Variants in PCSK6 observed in about 807,000 individuals in gnomAD.
PCSK6 encodes the protein proprotein convertase subtilisin/kexin type 6, also known as paired basic amino acid cleaving enzyme 4.
A neutral mutation model predicts 123.3 loss-of-function variants in PCSK6; 85 were observed. That is an observed-to-expected ratio of 0.69 (90% CI 0.58 to 0.83). The LOEUF is 0.83. Ranked by LOEUF, PCSK6 falls within the 40% of genes least tolerant of loss-of-function variation. The pLI is 0.00. For missense variants in PCSK6, 1,191 were observed against 1,282.3 expected (o/e 0.93, Z 1.09); for synonymous variants, 508 against 516.0 (o/e 0.98, Z 0.21).
intron 1 of PCSK6, among the ~76,000 whole-genome samples, chr15:101,487,799 T>C (rs2058053548): frequency 1.3e-5 from 2 of 152,070 alleles, no homozygotes; most frequent in African/African-American, 4.8e-5. Flanking sequence ...AGTCAAGAAC[T>C]ACAGAGACAA....
chr15:101,383,026 C>A (rs1028510578), intron 10 of PCSK6, among the ~76,000 whole-genome samples: 1 of 152,104 alleles, frequency 6.6e-6, no homozygotes, highest in African/African-American at 2.4e-5. Context: ...ATTAGTTAGA[C>A]CTGAGCTTCA....
chr15:101,315,508 G>A (rs941844117), intron 19 of PCSK6, among the ~76,000 whole-genome samples: 7 of 152,344 alleles, frequency 4.6e-5, no homozygotes, highest in South Asian at 4.1e-4. Context: ...TGTTTGCGGG[G>A]CCCAGTATAA....
intron 1 of PCSK6, among the ~76,000 whole-genome samples, chr15:101,488,208 G>A (rs2058064764): frequency 6.6e-6 from 1 of 152,194 alleles, no homozygotes; most frequent in African/African-American, 2.4e-5. Flanking sequence ...TGGCACTAAG[G>A]TTTAGAGTTA....
chr15:101,326,874 G>A (rs2141363247), intron 15 of PCSK6, among the ~76,000 whole-genome samples: 1 of 152,346 alleles, frequency 6.6e-6, no homozygotes, highest in East Asian at 1.9e-4. Flanking sequence ...CAGCACCTTT[G>A]ACTTCCACGT....
intron 13 of PCSK6, among the ~76,000 whole-genome samples, chr15:101,335,257 C>T (rs780919693): frequency 1.3e-5 from 2 of 152,182 alleles, no homozygotes; most frequent in Non-Finnish European, 2.9e-5. Context: ...ACGCGCCCAG[C>T]CTGTTTGACT....
At chr15:101,454,980 G>GAATGAATAAATAAATAAATAAATA (rs1322359266) in intron 1 of PCSK6, among the ~76,000 whole-genome samples, 73 of 97,930 alleles carry the variant, frequency 7.5e-4, no homozygotes, top group African/African-American at 2.4e-3. Flanking sequence ...ATGAATGAAT[G>GAATGAATAAATAAATAAATAAATA]AATAAATAAA....
Position 101,489,394 on chromosome 15 carries a change from C to T in PCSK6, c.277G>A (p.Gly93Arg). The change falls in exon 1 of 22, where the codon GGG (glycine) becomes AGG (arginine). Residue 93 changes from glycine to arginine, a missense_variant. Physicochemically the swap from Gly to Arg is moderately radical, Grantham distance 125. Transcript: ENST00000611716. ...CTCACCTGGCCCAAGTTGAGGTACC[C>T]GTGCGCCGCCGCCACGCGGTCCGCC... ...AEADRVAAAH[G>R]YLNLGQIGNL... 2.4e-6 allele frequency: 3 copies of T among 1,268,036 alleles called. No homozygotes were observed. Among genetic ancestry groups the T allele is most frequent in the Non-Finnish European group, 2.0e-6 (2 of 992,668 alleles). 78.5% of individuals were successfully genotyped at this position (1,268,036 alleles called of 1,614,324 possible).
rs146446563 is a variant in PCSK6 at position 101,365,382 on chromosome 15, T to C, written c.1858+814A>G. Among the ~76,000 whole-genome samples the C allele has an allele frequency of 1.3e-3, 204 of 152,354 alleles. 1 individual carries two copies. The highest frequency in any genetic ancestry group is 4.7e-3 in the African/African-American group (194 of 41,570). ...CACTTCACACCTACTAGAACGCTTA[T>C]AATTTTTTAAAAAGCAGAGAATATT... is the stretch of plus-strand genomic sequence containing the variant. On this transcript the variant is annotated intron_variant, in intron 13 of 21. Transcript: ENST00000611716.
chr15:101,313,796 C>A, intron 19 of PCSK6: 1 of 344,736 alleles, frequency 2.9e-6, no homozygotes. Flanking sequence ...TCCAACAGGC[C>A]TAGGCCCACC....
intron 11 of PCSK6, among the ~76,000 whole-genome samples, chr15:101,378,937 C>T (rs1019744198): frequency 1.2e-4 from 18 of 152,408 alleles, no homozygotes; most frequent in African/African-American, 4.3e-4. Context: ...GCTCCTTCCT[C>T]TGCAGCCCGC....
At chr15:101,306,649 T>C (rs746947899) in intron 21 of PCSK6, among the ~76,000 whole-genome samples, 2 of 152,232 alleles carry the variant, frequency 1.3e-5, no homozygotes, top group Non-Finnish European at 2.9e-5. Flanking sequence ...AACTGGGCAC[T>C]TAGCTTTGGT....
At chr15:101,429,290 C>A (rs866227210) in intron 5 of PCSK6, among the ~76,000 whole-genome samples, 9 of 152,314 alleles carry the variant, frequency 5.9e-5, no homozygotes, top group Admixed American at 3.9e-4. Flanking sequence ...GCCGTTTACA[C>A]TGCAAAGTCA....
intron 11 of PCSK6, among the ~76,000 whole-genome samples, chr15:101,373,296 C>G (rs2041638665): frequency 6.6e-6 from 1 of 152,188 alleles, no homozygotes. Flanking sequence ...AAGCCATGCC[C>G]TTACCTTCAC....
intron 1 of PCSK6, among the ~76,000 whole-genome samples, chr15:101,444,035 A>C (rs1329289124): frequency 1.3e-5 from 2 of 152,210 alleles, no homozygotes; most frequent in Non-Finnish European, 2.9e-5. Flanking sequence ...TCAGGTCTAC[A>C]CCAAAACATT....
At chr15:101,464,008 T>TAA (rs1209788051) in intron 1 of PCSK6, among the ~76,000 whole-genome samples, 2 of 152,120 alleles carry the variant, frequency 1.3e-5, no homozygotes, top group Admixed American at 6.5e-5. Context: ...CCAGGTCTCT[T>TAA]ACAGTTTTAG....
intron 19 of PCSK6, 45 bp downstream of exon 19, chr15:101,318,274 G>T: frequency 7.2e-7 from 1 of 1,398,592 alleles, no homozygotes; most frequent in Non-Finnish European, 9.9e-7. Context: ...GCTAGCCTAC[G>T]CTTGGGTGAC....
At chr15:101,367,585 G>A (rs941621044) in intron 12 of PCSK6, among the ~76,000 whole-genome samples, 2 of 152,190 alleles carry the variant, frequency 1.3e-5, no homozygotes, top group Non-Finnish European at 2.9e-5. Flanking sequence ...CAACACACTG[G>A]GGACAGAACA....
intron 6 of PCSK6, among the ~76,000 whole-genome samples, chr15:101,408,133 C>T (rs1044283323): frequency 1.3e-5 from 2 of 152,158 alleles, no homozygotes; most frequent in Admixed American, 1.3e-4. Flanking sequence ...AGATGGAGCA[C>T]CCGTACATCT....
intron 9 of PCSK6, 121 bp downstream of exon 9, chr15:101,389,343 C>T: frequency 1.3e-6 from 1 of 754,016 alleles, no homozygotes; most frequent in Admixed American, 2.0e-5. Context: ...GCACGACTCA[C>T]TGAATGTGCT....
Sources: allele counts gnomAD v4.1 joint callset (sites outside exome capture counted in the v4.1 genomes callset), GRCh38; gene constraint gnomAD v4.1.1; transcripts MANE v1.5; gene names NCBI Gene and HGNC (gene_info 2026-07-23, HGNC 2026-07-21).